ADAMTSL1: variants seen among roughly 807,000 people sequenced by gnomAD.
ADAMTSL1 encodes the protein ADAMTS like 1, also known as ADAMTS-like protein 1.
A neutral mutation model predicts 201.8 loss-of-function variants in ADAMTSL1; 126 were observed. That is an observed-to-expected ratio of 0.62 (90% CI 0.54 to 0.72). The LOEUF is 0.72. ADAMTSL1 is among the 30% of genes least tolerant of loss of function. ADAMTSL1 has a pLI of 0.00. For synonymous variants in ADAMTSL1, 1,121 were observed against 903.4 expected (o/e 1.24, Z -4.32); for missense variants, 2,679 against 2,277.8 (o/e 1.18, Z -3.59).
intron 15 of ADAMTSL1, among the ~76,000 whole-genome samples, chr9:18,729,863 G>A (rs965997741): frequency 3.3e-5 from 5 of 152,108 alleles, no homozygotes; most frequent in Admixed American, 3.3e-4. Flanking sequence ...TGATGTATCT[G>A]TACCAGTTAT....
chr9:17,967,900 G>T (rs1818044126), intron 1 of ADAMTSL1, among the ~76,000 whole-genome samples: 1 of 152,032 alleles, frequency 6.6e-6, no homozygotes, highest in Non-Finnish European at 1.5e-5. Flanking sequence ...AGTCTATTCG[G>T]ACTTTGTATT....
At chr9:18,899,738 T>A (rs1436476178) in intron 26 of ADAMTSL1, among the ~76,000 whole-genome samples, 2 of 152,216 alleles carry the variant, frequency 1.3e-5, no homozygotes, top group African/African-American at 4.8e-5. Context: ...GCTAGCTGTA[T>A]GCAGAAAATT....
intron 2 of ADAMTSL1, among the ~76,000 whole-genome samples, chr9:18,282,716 G>A (rs1430643986): frequency 6.6e-6 from 1 of 152,128 alleles, no homozygotes; most frequent in Non-Finnish European, 1.5e-5. Flanking sequence ...TGACCAACAT[G>A]GAGAAACCCC....
chr9:18,163,233 A>G (rs1159319092), intron 1 of ADAMTSL1, among the ~76,000 whole-genome samples: 1 of 152,020 alleles, frequency 6.6e-6, no homozygotes, highest in Admixed American at 6.6e-5. Flanking sequence ...TTGTGCCTTT[A>G]GTTCCTAATT....
At chr9:18,101,261 G>T (rs2131848273) in intron 1 of ADAMTSL1, among the ~76,000 whole-genome samples, 1 of 152,240 alleles carries the variant, frequency 6.6e-6, no homozygotes, top group Non-Finnish European at 1.5e-5. Flanking sequence ...ACTTTTGGAG[G>T]CTGAGGCGGG....
At chr9:18,514,783 T>G (rs1043977557) in intron 2 of ADAMTSL1, among the ~76,000 whole-genome samples, 2 of 152,224 alleles carry the variant, frequency 1.3e-5, no homozygotes, top group Non-Finnish European at 2.9e-5. Context: ...GCCTTTTATT[T>G]ATTTTTCTTG....
intron 23 of ADAMTSL1, among the ~76,000 whole-genome samples, chr9:18,867,020 C>G (rs992753625): frequency 3.9e-5 from 6 of 152,230 alleles, no homozygotes; most frequent in Non-Finnish European, 7.3e-5. Flanking sequence ...CCCTCTCCCT[C>G]TCTACTAAAT....
intron 1 of ADAMTSL1, among the ~76,000 whole-genome samples, chr9:17,961,575 G>A (rs1817755122): frequency 6.6e-6 from 1 of 152,144 alleles, no homozygotes; most frequent in African/African-American, 2.4e-5. Context: ...ATGATGAAAG[G>A]TGGTGGTGAG....
intron 2 of ADAMTSL1, among the ~76,000 whole-genome samples, chr9:18,325,750 T>C (rs571509065): frequency 6.6e-6 from 1 of 152,022 alleles, no homozygotes; most frequent in Admixed American, 6.5e-5. Flanking sequence ...CTTTGTTTTT[T>C]TTTTTTTTGA....
At chr9:18,359,953 T>C (rs1350370396) in intron 2 of ADAMTSL1, among the ~76,000 whole-genome samples, 1 of 151,892 alleles carries the variant, frequency 6.6e-6, no homozygotes, top group Non-Finnish European at 1.5e-5. Context: ...CTCAGCTCTA[T>C]GGCAATAATA....
chr9:18,034,645 T>C (rs1395811717), intron 1 of ADAMTSL1, among the ~76,000 whole-genome samples: 1 of 152,186 alleles, frequency 6.6e-6, no homozygotes, highest in African/African-American at 2.4e-5. Flanking sequence ...TCTCTGTGGA[T>C]ATCATTAAGT....
chr9:18,622,015 T>TA (rs1451302115), intron 4 of ADAMTSL1, among the ~76,000 whole-genome samples: 1 of 152,184 alleles, frequency 6.6e-6, no homozygotes, highest in Non-Finnish European at 1.5e-5. Context: ...CTCTTTCTTT[T>TA]ACCCTTCTTT....
chr9:18,847,532 AG>A (rs1826203813), intron 23 of ADAMTSL1, among the ~76,000 whole-genome samples: 1 of 152,266 alleles, frequency 6.6e-6, no homozygotes, highest in Non-Finnish European at 1.5e-5. Flanking sequence ...TAAGAGGGAG[AG>A]GTGGTGCCTA....
intron 2 of ADAMTSL1, among the ~76,000 whole-genome samples, chr9:18,303,674 A>G (rs1272936471): frequency 6.6e-6 from 1 of 152,226 alleles, no homozygotes; most frequent in Non-Finnish European, 1.5e-5. Context: ...GAGCGCGGAA[A>G]GGCAGGGATG....
At chr9:17,981,842 T>G (rs1158836660) in intron 1 of ADAMTSL1, among the ~76,000 whole-genome samples, 2 of 152,136 alleles carry the variant, frequency 1.3e-5, no homozygotes, top group African/African-American at 4.8e-5. Flanking sequence ...GTGAAAAAAG[T>G]GCTTAGTTTG....
intron 2 of ADAMTSL1, among the ~76,000 whole-genome samples, chr9:18,293,500 C>G (rs1267951380): frequency 6.6e-6 from 1 of 152,178 alleles, no homozygotes; most frequent in Non-Finnish European, 1.5e-5. Context: ...CGTGGGCCTG[C>G]TGGTAGCACA....
chr9:18,353,731 T>C (rs772209708), intron 2 of ADAMTSL1, among the ~76,000 whole-genome samples: 35 of 152,142 alleles, frequency 2.3e-4, no homozygotes, highest in Non-Finnish European at 4.4e-4. Flanking sequence ...ATCTTCTGTT[T>C]TCACAGTTAT....
In ADAMTSL1 at chr9:18,588,937, TC is replaced by T. The variant is rs1284609257; in HGVS notation, c.474+14672del. On this transcript the variant is annotated intron_variant, in intron 4 of 28. Coordinates refer to ENST00000380548, the MANE Select transcript of ADAMTSL1 (RefSeq NM_001040272.6). ...TACACATTTTTTTTTTGAGACAGAG[TC>T]TCACTCTGTCACCCAGGCTGTAGTG... Among the ~76,000 whole-genome samples, 14 of 97,730 alleles carry T rather than the reference TC, an allele frequency of 1.4e-4. No individual in the cohort carries two copies. In the South Asian group the frequency reaches 3.7e-3, roughly 26 times the overall value. 64.1% of individuals were successfully genotyped at this position (97,730 alleles called of 152,430 possible). A position where few individuals can be genotyped will look rare whatever the true frequency, so the allele number is the denominator to read the frequency against.
chr9:17,908,201 A>C (rs1004949096), intron 1 of ADAMTSL1, among the ~76,000 whole-genome samples: 3 of 152,126 alleles, frequency 2.0e-5, no homozygotes, highest in Admixed American at 1.3e-4. Flanking sequence ...CAGTTGGAAA[A>C]GCTTGTATTA....
Sources: allele counts gnomAD v4.1 joint callset (sites outside exome capture counted in the v4.1 genomes callset), GRCh38; gene constraint gnomAD v4.1.1; transcripts MANE v1.5; gene names NCBI Gene and HGNC (gene_info 2026-07-23, HGNC 2026-07-21).